Variants in ABCB4 observed in about 807,000 individuals in gnomAD.
ABCB4 encodes ATP binding cassette subfamily B member 4.
Under a neutral mutation model 145.7 loss-of-function variants are expected in ABCB4, and 76 were observed. That is an observed-to-expected ratio of 0.52 (90% CI 0.43 to 0.63). ABCB4 has a LOEUF of 0.63. Among genes scored for constraint, ABCB4 ranks in the 30% least tolerant of loss-of-function variants. ABCB4 has a pLI of 0.00. For synonymous variants in ABCB4, 517 were observed against 566.8 expected (o/e 0.91, Z 1.25); for missense variants, 1,234 against 1,553.1 (o/e 0.79, Z 3.45).
the ABCB4 span, chr7:87,392,805 AC>A: frequency 6.2e-7 from 1 of 1,613,624 alleles, no homozygotes; most frequent in African/African-American, 1.3e-5. Context: ...CTCTTTACGG[AC>A]CCACTTTTTT....
At chr7:87,470,828 G>C (rs1563007442) in intron 3 of ABCB4, among the ~76,000 whole-genome samples, 1 of 152,162 alleles carries the variant, frequency 6.6e-6, no homozygotes, top group Non-Finnish European at 1.5e-5. Flanking sequence ...CAAGGATCTA[G>C]AACTAGAAAT....
At position 87,453,195 on chromosome 7, in the gene ABCB4, C is replaced by T. The variant is rs375660885; in HGVS notation, c.345-60G>A. ...TCTCTTTTCTTTTTTCTTTTCTTTTCTTTTCTGAAACTGAGTCTCACTCTG... is the reference window on the plus strand; with the variant it reads ...TCTCTTTTCTTTTTTCTTTTCTTTTTTTTTCTGAAACTGAGTCTCACTCTG... On this transcript the variant is annotated intron_variant, in intron 5 of 27. Coordinates refer to ENST00000649586, the MANE Select transcript of ABCB4 (RefSeq NM_000443.4). The T allele has an allele frequency of 3.3e-5, 51 of 1,545,702 alleles. No homozygotes were observed. The East Asian group carries it at 8.7e-4, about 26-fold the overall frequency.
intron 2 of ABCB4, among the ~76,000 whole-genome samples, chr7:87,473,378 C>T (rs1352222233): frequency 6.6e-6 from 1 of 152,188 alleles, no homozygotes; most frequent in Non-Finnish European, 1.5e-5. Context: ...CTCCAACCAG[C>T]CTGGACTCTC....
chr7:87,446,961 A>G, intron 9 of ABCB4, 73 bp downstream of exon 9: 1 of 1,387,276 alleles, frequency 7.2e-7, no homozygotes, highest in Non-Finnish European at 1.0e-6. Context: ...AAGGAGCGAT[A>G]TCAAAGAAAA....
chr7:87,372,222 A>G, the ABCB4 span, among the ~76,000 whole-genome samples: 1 of 152,118 alleles, frequency 6.6e-6, no homozygotes, highest in African/African-American at 2.4e-5. Context: ...GCAATTATTT[A>G]TATAGTCTCT....
intron 12 of ABCB4, among the ~76,000 whole-genome samples, chr7:87,441,009 G>T (rs1810948704): frequency 1.3e-5 from 2 of 152,114 alleles, no homozygotes; most frequent in South Asian, 4.1e-4. Flanking sequence ...AAAGTGCTGG[G>T]ATTACAGGAT....
chr7:87,469,539 T>C (rs189720167), intron 3 of ABCB4, among the ~76,000 whole-genome samples: 4 of 152,274 alleles, frequency 2.6e-5, no homozygotes, highest in Admixed American at 2.6e-4. Context: ...GGATACAAAA[T>C]CAATGTGCAA....
At position 87,447,175 on chromosome 7, in the gene ABCB4, C is replaced by G; in HGVS notation, c.864G>C (p.Glu288Asp). 2 of 1,613,866 alleles carry G rather than the reference C, an allele frequency of 1.2e-6. No individual in the cohort carries two copies. Among genetic ancestry groups the G allele is most frequent in the Non-Finnish European group, 1.7e-6 (2 of 1,179,888 alleles). Residue 288 changes from glutamate (E) to aspartate (D), a missense_variant, in exon 9 of 28, where the codon GAG (glutamate) becomes GAC (aspartate). By Grantham distance (45) the Glu-to-Asp change is conservative. Coordinates refer to ENST00000649586, the MANE Select transcript of ABCB4 (RefSeq NM_000443.4). ...RYQKHLENAK[E>D]IGIKKAISAN... ...CTGAAATAGCTTTTTTAATTCCAATCTCTTTGGCATTTTCTAAATGTTTCT... is the reference window on the plus strand; with the variant it reads ...CTGAAATAGCTTTTTTAATTCCAATGTCTTTGGCATTTTCTAAATGTTTCT...
At chr7:87,379,295 CT>C in the ABCB4 span, among the ~76,000 whole-genome samples, 1 of 152,310 alleles carries the variant, frequency 6.6e-6, no homozygotes, top group Non-Finnish European at 1.5e-5. Flanking sequence ...CCTCTGACCA[CT>C]TTATTGACCT....
chr7:87,368,443 A>C, the ABCB4 span, among the ~76,000 whole-genome samples: 1 of 152,208 alleles, frequency 6.6e-6, no homozygotes, highest in Non-Finnish European at 1.5e-5. Context: ...GGAAGAAAGA[A>C]GAAATGGTTT....
chr7:87,470,430 T>A (rs1050577238), intron 3 of ABCB4, among the ~76,000 whole-genome samples: 6 of 152,116 alleles, frequency 3.9e-5, no homozygotes, highest in Admixed American at 1.3e-4. Context: ...TAGAGTGAAC[T>A]GGCAACCTAC....
chr7:87,433,252 G>A (rs548432889), intron 14 of ABCB4, among the ~76,000 whole-genome samples: 6 of 152,218 alleles, frequency 3.9e-5, no homozygotes, highest in Admixed American at 3.9e-4. Flanking sequence ...AAATATAAAA[G>A]AGAAACATCA....
chr7:87,402,063 G>C lies in ABCB4; in HGVS notation c.*33C>G. On this transcript the variant is annotated 3_prime_UTR_variant, in exon 28 of 28. Coordinates refer to ENST00000649586, the MANE Select transcript of ABCB4 (RefSeq NM_000443.4). ...GTCAGATAAAATGGTAGAATAATTT[G>C]AATTTATTTTTAAAATATACTGTAG... 1 of 1,610,286 alleles carries C rather than the reference G, an allele frequency of 6.2e-7. No individual in the cohort carries two copies. Among genetic ancestry groups the C allele is most frequent in the Non-Finnish European group, 8.5e-7 (1 of 1,176,948 alleles).
chr7:87,388,153 T>A, the ABCB4 span, among the ~76,000 whole-genome samples: 2 of 152,142 alleles, frequency 1.3e-5, no homozygotes, highest in Non-Finnish European at 2.9e-5. Flanking sequence ...GAGCTGCTCT[T>A]CTCTCCAGAT....
chr7:87,419,884 C>A, intron 19 of ABCB4, 114 bp downstream of exon 19: 1 of 1,121,912 alleles, frequency 8.9e-7, no homozygotes, highest in East Asian at 2.4e-5. Context: ...CCCATCCTTG[C>A]GTGAATACCC....
the ABCB4 span, chr7:87,377,309 A>G: frequency 7.7e-7 from 1 of 1,291,922 alleles, no homozygotes; most frequent in Non-Finnish European, 1.1e-6. Context: ...ACAAACCAAT[A>G]TTAAACCCTT....
At chr7:87,469,455 C>T (rs546589043) in intron 3 of ABCB4, among the ~76,000 whole-genome samples, 19 of 152,314 alleles carry the variant, frequency 1.2e-4, no homozygotes, top group East Asian at 3.9e-4. Context: ...GATGACATGA[C>T]TGTATATCTA....
At chr7:87,375,441 G>A in the ABCB4 span, 1 of 511,150 alleles carries the variant, frequency 2.0e-6, no homozygotes, top group African/African-American at 1.9e-5. Context: ...TGTCAAATAT[G>A]CTTTTGGTGT....
At chr7:87,389,664 C>G in the ABCB4 span, among the ~76,000 whole-genome samples, 5 of 152,074 alleles carry the variant, frequency 3.3e-5, no homozygotes, top group Admixed American at 6.6e-5. Context: ...GGAGAAATGC[C>G]TAATGTAGAT....
Sources: gnomAD v4.1 joint callset for allele counts (sites outside exome capture counted in the v4.1 genomes callset) on GRCh38, gnomAD v4.1.1 for gene constraint, MANE v1.5 for transcripts, NCBI Gene and HGNC (gene_info 2026-07-23, HGNC 2026-07-21) for gene names.